PHACTR1: variants seen among roughly 807,000 people sequenced by gnomAD.
PHACTR1 encodes RPEL repeat containing 1.
PHACTR1 carries 16 observed loss-of-function variants against 69.2 expected under a neutral mutation model. The observed-to-expected ratio is 0.23, with a 90% CI of 0.16 to 0.35. PHACTR1 has a LOEUF of 0.35. Ranked by LOEUF, PHACTR1 falls within the 10% of genes least tolerant of loss-of-function variation. The pLI is 1.00. For synonymous variants in PHACTR1, 312 were observed against 284.5 expected, an observed-to-expected ratio of 1.10 and a Z score of -0.97; for missense variants, 510 against 734.7, an observed-to-expected ratio of 0.69 and a Z score of 3.54.
At chr6:13,237,831 T>C (rs913381904) in intron 10 of PHACTR1, among the ~76,000 whole-genome samples, 6 of 152,256 alleles carry the variant, frequency 3.9e-5, no homozygotes, top group African/African-American at 1.2e-4. Context: ...CTGTGTGGTA[T>C]GTTACAGTAC....
At chr6:12,778,744 T>C (rs1210987964) in intron 4 of PHACTR1, among the ~76,000 whole-genome samples, 1 of 152,256 alleles carries the variant, frequency 6.6e-6, no homozygotes, top group African/African-American at 2.4e-5. Flanking sequence ...GAACCTGTAC[T>C]ATATGAAAGA....
chr6:12,911,813 G>A (rs569119492), intron 4 of PHACTR1, among the ~76,000 whole-genome samples: 3 of 152,240 alleles, frequency 2.0e-5, no homozygotes, highest in Non-Finnish European at 4.4e-5. Flanking sequence ...TAATCTCATT[G>A]TCATTTAAAG....
intron 5 of PHACTR1, among the ~76,000 whole-genome samples, chr6:13,123,203 T>A (rs886774181): frequency 5.3e-5 from 8 of 152,184 alleles, no homozygotes; most frequent in African/African-American, 1.7e-4. Flanking sequence ...TGGGTGTAGG[T>A]AATGACTTAG....
intron 4 of PHACTR1, among the ~76,000 whole-genome samples, chr6:12,975,256 G>A (rs1794726316): frequency 6.6e-6 from 1 of 152,162 alleles, no homozygotes. Context: ...ATGTTTAGCA[G>A]CATAAACATG....
chr6:12,956,250 T>G (rs1791884236), intron 4 of PHACTR1, among the ~76,000 whole-genome samples: 1 of 152,236 alleles, frequency 6.6e-6, no homozygotes, highest in Non-Finnish European at 1.5e-5. Flanking sequence ...TGCAGATAGT[T>G]CATCTGCGCT....
chr6:13,260,421 T>C (rs1775753036), intron 10 of PHACTR1, among the ~76,000 whole-genome samples: 1 of 152,120 alleles, frequency 6.6e-6, no homozygotes. Flanking sequence ...CAAGCATTAT[T>C]CTTAGCGCAA....
At chr6:12,895,232 A>G (rs1157658131) in intron 4 of PHACTR1, among the ~76,000 whole-genome samples, 1 of 123,640 alleles carries the variant, frequency 8.1e-6, no homozygotes. Flanking sequence ...CCCAGGCTGG[A>G]GTGCAATGGC....
intron 8 of PHACTR1, among the ~76,000 whole-genome samples, chr6:13,208,257 G>T (rs1766232533): frequency 6.6e-6 from 1 of 152,146 alleles, no homozygotes; most frequent in Admixed American, 6.5e-5. Flanking sequence ...CCTTCTCAAA[G>T]GGTGGCCCAC....
chr6:12,942,932 G>T (rs571645227), intron 4 of PHACTR1, among the ~76,000 whole-genome samples: 2 of 152,234 alleles, frequency 1.3e-5, no homozygotes, highest in South Asian at 4.1e-4. Context: ...CAGAATCCTG[G>T]TAATATTCAA....
intron 3 of PHACTR1, among the ~76,000 whole-genome samples, chr6:12,729,984 G>C (rs1383970452): frequency 6.6e-6 from 1 of 152,184 alleles, no homozygotes; most frequent in African/African-American, 2.4e-5. Context: ...GAGAATACAG[G>C]AGGATGACCA....
At chr6:12,718,890 GT>G in intron 3 of PHACTR1, 43 bp downstream of exon 3, 2 of 1,280,296 alleles carry the variant, frequency 1.6e-6, no homozygotes, top group Non-Finnish European at 2.2e-6. Context: ...TTGCACGTCG[GT>G]TTTATATGAA....
chr6:13,088,398 G>C (rs1262236917), intron 5 of PHACTR1, among the ~76,000 whole-genome samples: 2 of 150,740 alleles, frequency 1.3e-5, no homozygotes, highest in Non-Finnish European at 2.9e-5. Context: ...CCTGGACCTG[G>C]CTCTTTATCT....
intron 4 of PHACTR1, among the ~76,000 whole-genome samples, chr6:12,849,418 A>G (rs1779614223): frequency 6.6e-6 from 1 of 152,194 alleles, no homozygotes; most frequent in East Asian, 1.9e-4. Flanking sequence ...AGTTGTCTGC[A>G]ACCCCCTGTG....
At chr6:13,273,291 G>A in intron 11 of PHACTR1, 1 of 196,828 alleles carries the variant, frequency 5.1e-6, no homozygotes, top group Non-Finnish European at 1.0e-5. Context: ...CTAAAATAAG[G>A]GAAATGTCCA....
At chr6:13,251,426 G>A (rs72823051) in intron 10 of PHACTR1, among the ~76,000 whole-genome samples, 10 of 152,268 alleles carry the variant, frequency 6.6e-5, no homozygotes, top group Admixed American at 2.0e-4. Flanking sequence ...GGTTCTCACC[G>A]GCCTCCAGCT....
chr6:12,726,770 C>T (rs1762847526), intron 3 of PHACTR1, among the ~76,000 whole-genome samples: 2 of 152,176 alleles, frequency 1.3e-5, no homozygotes, highest in South Asian at 4.1e-4. Context: ...TCAACCCAAT[C>T]CTCATCTGGA....
intron 4 of PHACTR1, among the ~76,000 whole-genome samples, chr6:12,943,835 T>G (rs1269561551): frequency 6.6e-6 from 1 of 152,222 alleles, no homozygotes; most frequent in Non-Finnish European, 1.5e-5. Flanking sequence ...GAATGGCACA[T>G]GTAAATTTAT....
intron 4 of PHACTR1, among the ~76,000 whole-genome samples, chr6:12,868,261 GAAAAAA>G (rs60449070): frequency 7.3e-6 from 1 of 136,560 alleles, no homozygotes; most frequent in African/African-American, 2.7e-5. Context: ...ATCTCAAAAA[GAAAAAA>G]AAAAAAAAAA....
chr6:13,109,011 T>G (rs1816596292), intron 5 of PHACTR1, among the ~76,000 whole-genome samples: 1 of 152,058 alleles, frequency 6.6e-6, no homozygotes, highest in Admixed American at 6.6e-5. Flanking sequence ...TTTACTACAT[T>G]CATCTTAATT....
Sources: gnomAD v4.1 joint callset for allele counts (sites outside exome capture counted in the v4.1 genomes callset) on GRCh38, gnomAD v4.1.1 for gene constraint, MANE v1.5 for transcripts, NCBI Gene and HGNC (gene_info 2026-07-23, HGNC 2026-07-21) for gene names.